Variants in DHRS2 observed in about 807,000 individuals in gnomAD.
DHRS2 encodes dehydrogenase/reductase SDR family member 2, mitochondrial.
A neutral mutation model predicts 26.3 loss-of-function variants in DHRS2; 29 were observed. The observed-to-expected ratio is 1.10, with a 90% CI of 0.82 to 1.50. The LOEUF (loss-of-function observed/expected upper bound fraction) is 1.50. DHRS2 is among the 40% of genes most tolerant of loss of function. DHRS2 has a pLI of 0.00. For synonymous variants in DHRS2, 164 were observed against 151.3 expected (o/e 1.08, Z -0.62); for missense variants, 439 against 367.1 (o/e 1.20, Z -1.60).
At chr14:23,634,970 G>C (rs1890228557), upstream of DHRS2, among the ~76,000 whole-genome samples, 1 of 152,156 alleles carries the variant, frequency 6.6e-6, no homozygotes, top group Non-Finnish European at 1.5e-5. Context: ...TTAATTGTAA[G>C]TTTCCTGAGG....
At position 23,642,097 on chromosome 14, in the gene DHRS2, T is replaced by C. The variant is rs944938605; in HGVS notation, c.421-1055T>C. 4 of 1,059,020 alleles carry C rather than the reference T, an allele frequency of 3.8e-6. No individual in the cohort carries two copies. The African/African-American group carries it at 6.7e-5, about 18-fold the overall frequency. The allele number at this position is 1,059,020 out of a possible 1,614,324, so 65.6% of individuals were successfully genotyped here. A position where few individuals can be genotyped will look rare whatever the true frequency, so the allele number is the denominator to read the frequency against. ...TGTGTGACTTAGCCCAGATTCAGAC[T>C]TTAGTCACAAGCAGGATCAGCATAG... On this transcript the variant is annotated intron_variant, in intron 4 of 8. Transcript: ENST00000250383.
upstream of DHRS2, among the ~76,000 whole-genome samples, chr14:23,635,859 C>T (rs1011198304): frequency 5.3e-5 from 8 of 152,256 alleles, no homozygotes; most frequent in Non-Finnish European, 8.8e-5. Flanking sequence ...GCAGGGGCTC[C>T]GTGGGCCGGC....
chr14:23,644,795 C>G (rs1890809002), intron 7 of DHRS2, 32 bp from the exon 8 acceptor site: 2 of 1,612,168 alleles, frequency 1.2e-6, no homozygotes, highest in African/African-American at 1.3e-5. Context: ...GTTTTAGTAG[C>G]ACTGACTCCT....
intron 6 of DHRS2, 86 bp downstream of exon 6, chr14:23,644,248 C>T (rs1260847932): frequency 2.5e-6 from 4 of 1,571,594 alleles, no homozygotes; most frequent in South Asian, 1.1e-5. Flanking sequence ...GACAAAGTGC[C>T]TGGGACAGAC....
intron 4 of DHRS2, chr14:23,640,537 T>A: frequency 1.6e-6 from 1 of 639,756 alleles, no homozygotes; most frequent in Non-Finnish European, 1.9e-6. Flanking sequence ...CAGTGACTTC[T>A]GTTCCCTTCA....
At chr14:23,643,934 C>T (rs1333608066) in intron 5 of DHRS2, 177 bp from the exon 6 acceptor site, 8 of 645,466 alleles carry the variant, frequency 1.2e-5, no homozygotes, top group Admixed American at 2.6e-5. Context: ...CTAGCTCTGC[C>T]GTGTATTGGC....
rs1290861403 is a variant in DHRS2, at chr14:23,638,914, C to G, written c.50C>G (p.Ala17Gly). Residue 17 changes from alanine (A) to glycine (G), a missense_variant, in exon 2 of 9, where the codon GCT (alanine) becomes GGT (glycine). Physicochemically the swap from Ala to Gly is moderately conservative, Grantham distance 60. Transcript: ENST00000250383. ...RGYQGWFHPC[A>G]RLSVRMSSTG... Reference sequence around the variant, plus strand: ...TACCAGGGCTGGTTTCATCCCTGTGCTAGGCTTTCTGTGAGGATGAGCAGC... The same window carrying G: ...TACCAGGGCTGGTTTCATCCCTGTGGTAGGCTTTCTGTGAGGATGAGCAGC... The G allele has an allele frequency of 6.2e-7, 1 of 1,614,110 alleles. No homozygotes were observed. The highest frequency in any genetic ancestry group is 1.7e-5 in the Admixed American group (1 of 60,006).
chr14:23,635,855 G>A (rs1388513075), upstream of DHRS2, among the ~76,000 whole-genome samples: 2 of 152,258 alleles, frequency 1.3e-5, no homozygotes, highest in Non-Finnish European at 2.9e-5. Flanking sequence ...GCCAGCAGGG[G>A]CTCCGTGGGC....
At chr14:23,644,366 C>T in intron 6 of DHRS2, 43 bp from the exon 7 acceptor site, 1 of 1,610,610 alleles carries the variant, frequency 6.2e-7, no homozygotes, top group Non-Finnish European at 8.5e-7. Flanking sequence ...ATGCTTTCCC[C>T]CACTCTCCCA....
Position 23,636,946 on chromosome 14 carries a change from T to C in DHRS2, c.-39+174T>C, listed in dbSNP as rs145222811. Among the ~76,000 whole-genome samples the C allele has an allele frequency of 3.1e-3, 468 of 152,304 alleles. 2 individuals are homozygous for C. Among genetic ancestry groups the C allele is most frequent in the African/African-American group, 0.011 (452 of 41,546 alleles). ...GGATCTCTAACAACCCCTGGCTCTG[T>C]GGAGTTGGGAATGTTGTTTTGCCTG... On this transcript the variant is annotated intron_variant, in intron 1 of 8. Transcript: ENST00000250383.
chr14:23,636,982 C>A (rs370261830), intron 1 of DHRS2, among the ~76,000 whole-genome samples: 17 of 152,158 alleles, frequency 1.1e-4, no homozygotes, highest in Non-Finnish European at 1.0e-4. Flanking sequence ...GAACCAGCTT[C>A]CGCTTTTCCT....
At chr14:23,640,881 A>AT (rs1249822963) in intron 4 of DHRS2, 1 of 152,132 alleles carries the variant, frequency 6.6e-6, no homozygotes, top group African/African-American at 2.4e-5. Context: ...ATCATTTGTG[A>AT]TTTTATAGCT....
chr14:23,645,376 A>G lies in DHRS2; in HGVS notation c.*123A>G, dbSNP rs1890838467. The stretch of plus-strand genomic sequence containing the variant: ...TGCCAGACTAGCAATTTGGGGGCTT[A>G]CTCATGCTAGGCTTGAGGAAGAAGA... On this transcript the variant is annotated 3_prime_UTR_variant, in exon 9 of 9. Transcript: ENST00000250383. 2 of 1,581,910 alleles carry G rather than the reference A, an allele frequency of 1.3e-6. No individual in the cohort carries two copies. The highest frequency in any genetic ancestry group is 1.3e-5 in the African/African-American group (1 of 74,274).
At chr14:23,632,147 G>T (rs1044297421), upstream of DHRS2, among the ~76,000 whole-genome samples, 1 of 152,142 alleles carries the variant, frequency 6.6e-6, no homozygotes, top group African/African-American at 2.4e-5. Context: ...CCGACAAAAG[G>T]CGAGTCCTCT....
chr14:23,644,385 T>A, intron 6 of DHRS2, 24 bp from the exon 7 acceptor site: 1 of 1,613,818 alleles, frequency 6.2e-7, no homozygotes, highest in African/African-American at 1.3e-5. Context: ...CATATCCTAA[T>A]CACTCTGTCA....
In DHRS2 at chr14:23,643,180, C is replaced by T. The variant is rs138994765; in HGVS notation, c.449C>T (p.Ala150Val). 894 of 1,614,076 alleles carry T rather than the reference C, an allele frequency of 5.5e-4. 6 individuals are homozygous for T. In the African/African-American group the frequency reaches 0.011, roughly 20 times the overall value. The change falls in exon 5 of 9, where the codon GCC becomes GTC. Residue 150 changes from alanine to valine, a missense_variant. Physicochemically the swap from Ala to Val is moderately conservative, Grantham distance 64. Transcript: ENST00000250383. Reference sequence around the variant, plus strand: ...CTAAGTGTGAACGTGAAGTCCCCAGCCCTGCTGCTGAGCCAGTTGCTGCCC... The same window carrying T: ...CTAAGTGTGAACGTGAAGTCCCCAGTCCTGCTGCTGAGCCAGTTGCTGCCC... ...KILSVNVKSP[A>V]LLLSQLLPYM...
intron 4 of DHRS2, chr14:23,641,123 C>T (rs956700577): frequency 6.4e-6 from 1 of 155,080 alleles, no homozygotes; most frequent in Admixed American, 6.3e-5. Flanking sequence ...GATGACTCGT[C>T]CCCGATCACA....
At chr14:23,644,755 T>C in intron 7 of DHRS2, 72 bp from the exon 8 acceptor site, 2 of 1,564,928 alleles carry the variant, frequency 1.3e-6, no homozygotes, top group Non-Finnish European at 1.8e-6. Flanking sequence ...GTGTTCTGCC[T>C]GGTGGCCTTC....
At chr14:23,634,346 C>A (rs1255609937), upstream of DHRS2, among the ~76,000 whole-genome samples, 1 of 152,134 alleles carries the variant, frequency 6.6e-6, no homozygotes, top group African/African-American at 2.4e-5. Context: ...GGATTACAGG[C>A]ATGAGCCACC....
Sources: allele counts gnomAD v4.1 joint callset (sites outside exome capture counted in the v4.1 genomes callset), GRCh38; gene constraint gnomAD v4.1.1; transcripts MANE v1.5; gene names NCBI Gene and HGNC (gene_info 2026-07-23, HGNC 2026-07-21).